Variants in RPH3A observed in about 807,000 individuals in gnomAD.
The protein encoded by RPH3A is rabphilin 3A, also known as rabphilin-3A.
RPH3A carries 48 observed loss-of-function variants against 102.2 expected under a neutral mutation model. That is an observed-to-expected ratio of 0.47 (90% confidence interval 0.37 to 0.60). The LOEUF (loss-of-function observed/expected upper bound fraction) is 0.60, where lower values mean the gene tolerates loss of function less well. Among genes scored for constraint, RPH3A ranks in the 20% least tolerant of loss-of-function variants. The pLI is 0.00. For missense variants in RPH3A, 781 were observed against 910.1 expected, an observed-to-expected ratio of 0.86 and a Z score of 1.83; for synonymous variants, 310 against 324.3, an observed-to-expected ratio of 0.96 and a Z score of 0.47.
intron 1 of RPH3A, among the ~76,000 whole-genome samples, chr12:112,698,899 CT>C (rs2040372351): frequency 6.8e-6 from 1 of 147,472 alleles, no homozygotes; most frequent in Admixed American, 6.8e-5. Context: ...TCCCTTTCCC[CT>C]TCCTCCTCCC....
intron 1 of RPH3A, among the ~76,000 whole-genome samples, chr12:112,709,486 G>T (rs956407025): frequency 2.0e-5 from 3 of 151,072 alleles, no homozygotes; most frequent in Non-Finnish European, 2.9e-5. Flanking sequence ...GGAGTTCAAG[G>T]TTGAAGTGAG....
intron 1 of RPH3A, among the ~76,000 whole-genome samples, chr12:112,649,758 C>T (rs1012084798): frequency 1.3e-5 from 2 of 152,176 alleles, no homozygotes; most frequent in Non-Finnish European, 2.9e-5. Context: ...CAATTTATTT[C>T]TCACAGTTCT....
At chr12:112,760,404 A>G (rs962077688) in intron 1 of RPH3A, among the ~76,000 whole-genome samples, 2 of 152,252 alleles carry the variant, frequency 1.3e-5, no homozygotes, top group Non-Finnish European at 2.9e-5. Context: ...GTAAACATTT[A>G]GCAACTGATA....
chr12:112,782,323 G>T (rs2041015429), intron 1 of RPH3A, among the ~76,000 whole-genome samples: 1 of 152,216 alleles, frequency 6.6e-6, no homozygotes, highest in African/African-American at 2.4e-5. Context: ...ACAATATCCT[G>T]AATGTAAAGA....
At chr12:112,869,547 C>A in intron 8 of RPH3A, 1 of 574,756 alleles carries the variant, frequency 1.7e-6, no homozygotes, top group Non-Finnish European at 3.1e-6. Flanking sequence ...TTTATAAAGC[C>A]TGTGTATGCT....
At position 112,865,332 on chromosome 12, in the gene RPH3A, A is replaced by C. The variant is rs369877927; in HGVS notation, c.231-82A>C. 67 of 1,504,868 alleles carry C rather than the reference A, an allele frequency of 4.5e-5. 3 individuals carry two copies. In the African/African-American group the frequency reaches 4.8e-4, roughly 11 times the overall value. 93.2% of individuals were successfully genotyped at this position (1,504,868 alleles called of 1,614,324 possible). ...AACAGCGTATGACTCAAAGAAGGTG[A>C]AGACTATCAACCTGACACTGTGGGG... On this transcript the variant is annotated intron_variant, in intron 5 of 21. Coordinates refer to ENST00000389385, the MANE Select transcript of RPH3A (RefSeq NM_001143854.2).
chr12:112,600,230 T>C (rs1380449143), intron 1 of RPH3A, among the ~76,000 whole-genome samples: 1 of 152,082 alleles, frequency 6.6e-6, no homozygotes, highest in African/African-American at 2.4e-5. Flanking sequence ...AGTCATCTGT[T>C]TTCTTCTTCT....
At chr12:112,609,378 C>G (rs1210180486) in intron 1 of RPH3A, among the ~76,000 whole-genome samples, 1 of 152,240 alleles carries the variant, frequency 6.6e-6, no homozygotes, top group African/African-American at 2.4e-5. Flanking sequence ...TGACCATTCA[C>G]TCACATTCTC....
chr12:112,833,299 G>T (rs113030005), intron 3 of RPH3A, among the ~76,000 whole-genome samples: 2,870 of 152,254 alleles, frequency 0.019, 76 homozygotes, highest in African/African-American at 0.059. Flanking sequence ...CATCATGTTG[G>T]CATTTGAAAT....
intron 1 of RPH3A, among the ~76,000 whole-genome samples, chr12:112,633,612 G>A (rs748126816): frequency 5.5e-4 from 83 of 152,182 alleles, no homozygotes; most frequent in Non-Finnish European, 1.1e-3. Context: ...CTCACCAGAT[G>A]CTGCCCCTCA....
At position 112,588,900 on chromosome 12, in the gene RPH3A, T is replaced by C. The variant is rs892626526; in HGVS notation, c.-140+13581T>C. 2.6e-5 allele frequency among the ~76,000 whole-genome samples: 4 copies of C among 152,224 alleles called. 1 individual carries two copies. On this transcript the variant is annotated intron_variant, in intron 1 of 21. Transcript: ENST00000543106. Reference sequence around the variant, plus strand: ...TACCAGGAACATTCTAAAGGGGCTGTAATTCAGCTGGGGGAATCTGGAAGG... The same window carrying C: ...TACCAGGAACATTCTAAAGGGGCTGCAATTCAGCTGGGGGAATCTGGAAGG...
intron 5 of RPH3A, among the ~76,000 whole-genome samples, chr12:112,861,709 G>C (rs1415532097): frequency 6.6e-6 from 1 of 152,144 alleles, no homozygotes; most frequent in Non-Finnish European, 1.5e-5. Flanking sequence ...GTGTAACTGG[G>C]AGGAGTCATT....
intron 1 of RPH3A, among the ~76,000 whole-genome samples, chr12:112,767,191 G>C (rs2136070260): frequency 6.6e-6 from 1 of 152,290 alleles, no homozygotes; most frequent in South Asian, 2.1e-4. Flanking sequence ...AACTTTTTAA[G>C]GGCAGGGACC....
intron 1 of RPH3A, among the ~76,000 whole-genome samples, chr12:112,779,483 T>C (rs1291365948): frequency 6.6e-6 from 1 of 152,326 alleles, no homozygotes; most frequent in East Asian, 1.9e-4. Flanking sequence ...AAGTACTTTC[T>C]CATGGCCACT....
At chr12:112,801,241 C>T (rs1001738527) in intron 2 of RPH3A, among the ~76,000 whole-genome samples, 4 of 152,272 alleles carry the variant, frequency 2.6e-5, no homozygotes, top group Admixed American at 6.5e-5. Context: ...AAGAACCAGC[C>T]GGACTGGGCT....
chr12:112,634,353 C>CA lies in RPH3A; in HGVS notation c.-140+59044dup, dbSNP rs1162176101. Among the ~76,000 whole-genome samples the CA allele has an allele frequency of 1.9e-3, 37 of 19,768 alleles. 14 individuals carry two copies. The highest frequency in any genetic ancestry group is 4.9e-3 in the Admixed American group (12 of 2,430). The allele number at this position is 19,768 out of a possible 152,430, so 13.0% of individuals were successfully genotyped here. A position where few individuals can be genotyped will look rare whatever the true frequency, so the allele number is the denominator to read the frequency against. On this transcript the variant is annotated intron_variant, in intron 1 of 21. Transcript: ENST00000543106. ...ACAGAGCGAGACTCCGTCTCAAAAA[C>CA]AAAAAAAAAACAAAACAAAAAAACA...
At chr12:112,590,292 G>T (rs558656149) in intron 1 of RPH3A, among the ~76,000 whole-genome samples, 1 of 152,200 alleles carries the variant, frequency 6.6e-6, no homozygotes, top group African/African-American at 2.4e-5. Flanking sequence ...TGGCATTTCA[G>T]TGTGGCTGTT....
At chr12:112,653,295 G>A (rs773178598) in intron 1 of RPH3A, among the ~76,000 whole-genome samples, 3 of 151,318 alleles carry the variant, frequency 2.0e-5, no homozygotes, top group East Asian at 1.9e-4. Flanking sequence ...GCTTGAACCC[G>A]GGAGGCAGAG....
At chr12:112,753,682 AT>A (rs2040801208) in intron 1 of RPH3A, among the ~76,000 whole-genome samples, 1 of 152,190 alleles carries the variant, frequency 6.6e-6, no homozygotes, top group South Asian at 2.1e-4. Context: ...TAAGTCCCAG[AT>A]TTTTCAGAGG....
Sources: gnomAD v4.1 joint callset for allele counts (sites outside exome capture counted in the v4.1 genomes callset) on GRCh38, gnomAD v4.1.1 for gene constraint, MANE v1.5 for transcripts, NCBI Gene and HGNC (gene_info 2026-07-23, HGNC 2026-07-21) for gene names.